ARHGEF5: variants seen among roughly 807,000 people sequenced by gnomAD.
ARHGEF5 encodes Rho guanine nucleotide exchange factor (GEF) 5.
In ARHGEF5, 11 loss-of-function variants were observed where a neutral mutation model predicts 104.0. The ratio of observed to expected loss-of-function variants is 0.11; its 90% CI spans 0.07 to 0.18. ARHGEF5 has a LOEUF of 0.18. Among genes scored for constraint, ARHGEF5 ranks in the 10% least tolerant of loss-of-function variants. The pLI is 1.00. For missense variants in ARHGEF5, 165 were observed against 1,335.4 expected (o/e 0.12, Z 13.66); for synonymous variants, 60 against 512.2 (o/e 0.12, Z 11.92).
intron 14 of ARHGEF5, among the ~76,000 whole-genome samples, chr7:144,379,246 G>C (rs1240747389): frequency 6.6e-6 from 1 of 152,050 alleles, no homozygotes; most frequent in Non-Finnish European, 1.5e-5. Flanking sequence ...TTGAGACAGA[G>C]TCTTGCTCTG....
intron 12 of ARHGEF5, 104 bp from the exon 13 acceptor site, chr7:144,377,016 C>T: frequency 1.7e-6 from 1 of 571,656 alleles, no homozygotes; most frequent in Non-Finnish European, 3.0e-6. Flanking sequence ...TGATAGAAGT[C>T]ATGGAACTAG....
In ARHGEF5 at chr7:144,380,308, G is replaced by A; in HGVS notation, c.*252G>A. 1 of 419,790 alleles carries A rather than the reference G, an allele frequency of 2.4e-6. No homozygotes were observed. The highest frequency in any genetic ancestry group is 4.3e-6 in the Non-Finnish European group (1 of 230,812). 26.0% of individuals were successfully genotyped at this position (419,790 alleles called of 1,614,324 possible). On this transcript the variant is annotated 3_prime_UTR_variant, in exon 15 of 15. Coordinates refer to ENST00000056217, the MANE Select transcript of ARHGEF5 (RefSeq NM_005435.4). Reference sequence around the variant, plus strand: ...TCATTAAAAAAAGGGGGACCATTGGGGCCTGAGCCAAGGAACTTTCCTTCT... The same window carrying A: ...TCATTAAAAAAAGGGGGACCATTGGAGCCTGAGCCAAGGAACTTTCCTTCT...
At chr7:144,379,034 G>C (rs1225964600) in intron 14 of ARHGEF5, among the ~76,000 whole-genome samples, 168 bp downstream of exon 14, 2 of 152,174 alleles carry the variant, frequency 1.3e-5, no homozygotes, top group African/African-American at 2.4e-5. Context: ...CCAAATCAAG[G>C]TGTGGGCAGA....
Position 144,380,052 on chromosome 7 carries a change from C to T in ARHGEF5, c.4790C>T (p.Ala1597Val). ...TAKLQLVEQQ[A>V] The stretch of plus-strand genomic sequence containing the variant: ...AAACTACAGCTGGTGGAACAGCAAG[C>T]CTAAGTCTTCTCTGAGAGGAGTTTC... Residue 1597 changes from alanine (A) to valine (V), a missense_variant, in exon 15 of 15, where the codon GCC becomes GTC. Coordinates refer to ENST00000056217, the MANE Select transcript of ARHGEF5 (RefSeq NM_005435.4). 1 of 1,614,158 alleles carries T rather than the reference C, an allele frequency of 6.2e-7. No individual in the cohort carries two copies. Among genetic ancestry groups the T allele is most frequent in the Non-Finnish European group, 8.5e-7 (1 of 1,180,022 alleles).
chr7:144,370,464 A>G (rs1313423115), intron 5 of ARHGEF5, among the ~76,000 whole-genome samples: 4 of 150,874 alleles, frequency 2.7e-5, no homozygotes, highest in Non-Finnish European at 5.9e-5. Flanking sequence ...TATTTAGTTT[A>G]GTTAGTTTGT....
chr7:144,358,758 A>T (rs1437211277), intron 1 of ARHGEF5, among the ~76,000 whole-genome samples: 1 of 90,896 alleles, frequency 1.1e-5, no homozygotes, highest in Non-Finnish European at 2.3e-5. Flanking sequence ...AGGATGGCTC[A>T]GTGTGTGTGT....
chr7:144,377,630 G>A lies in ARHGEF5; in HGVS notation c.4531+440G>A, dbSNP rs113795254. ...ACCCCAGGCTTCTGGGTGCCCATGG[G>A]GAGCCACAGGCACACACACATTATG... On this transcript the variant is annotated intron_variant, in intron 13 of 14. Transcript: ENST00000056217. 3.9e-3 allele frequency among the ~76,000 whole-genome samples: 589 copies of A among 152,136 alleles called. 6 individuals carry two copies. Among genetic ancestry groups the A allele is most frequent in the African/African-American group, 0.013 (554 of 41,498 alleles).
intron 14 of ARHGEF5, 46 bp from the exon 15 acceptor site, chr7:144,379,853 G>T (rs762960756): frequency 2.5e-6 from 4 of 1,611,260 alleles, no homozygotes; most frequent in Admixed American, 1.7e-5. Flanking sequence ...AGAAGCTATC[G>T]TGAGCCTTTC....
At position 144,361,057 on chromosome 7, in the gene ARHGEF5, G is replaced by A. The variant is rs1437264074; in HGVS notation, c.-12-1601G>A. On this transcript the variant is annotated intron_variant, in intron 1 of 14. Coordinates refer to ENST00000056217, the MANE Select transcript of ARHGEF5 (RefSeq NM_005435.4). ...ATCCTGGCCAGAATGGTGAAACCCC[G>A]TCTCTACTAAAAGTACAAAAATTAG... Among the ~76,000 whole-genome samples the A allele has an allele frequency of 9.0e-5, 13 of 143,932 alleles. 1 individual carries two copies. Among genetic ancestry groups the A allele is most frequent in the African/African-American group, 2.0e-4 (8 of 39,116 alleles). 94.4% of individuals were successfully genotyped at this position (143,932 alleles called of 152,430 possible). A position where few individuals can be genotyped will look rare whatever the true frequency, so the allele number is the denominator to read the frequency against.
chr7:144,379,767 A>T (rs1204552105), intron 14 of ARHGEF5, 132 bp from the exon 15 acceptor site: 4 of 1,201,162 alleles, frequency 3.3e-6, no homozygotes, highest in African/African-American at 1.5e-5. Context: ...GGACACTTGG[A>T]GGCTGGGTTT....
chr7:144,377,300 T>G, intron 13 of ARHGEF5, 110 bp downstream of exon 13: 21 of 1,538,792 alleles, frequency 1.4e-5, no homozygotes, highest in Non-Finnish European at 1.8e-5. Context: ...TTATTGATAT[T>G]CCGTAAAATG....
intron 13 of ARHGEF5, 104 bp downstream of exon 13, chr7:144,377,294 T>C (rs1032829395): frequency 1.9e-6 from 3 of 1,545,240 alleles, no homozygotes; most frequent in African/African-American, 2.7e-5. Context: ...TTTCATTTAT[T>C]GATATTCCGT....
intron 13 of ARHGEF5, among the ~76,000 whole-genome samples, 156 bp from the exon 14 acceptor site, chr7:144,378,606 A>C: frequency 6.6e-6 from 1 of 152,100 alleles, no homozygotes; most frequent in Non-Finnish European, 1.5e-5. Context: ...CTATTTCTTT[A>C]TTAACCATTT....
intron 1 of ARHGEF5, among the ~76,000 whole-genome samples, chr7:144,360,211 G>T (rs1440562929): frequency 8.4e-6 from 1 of 119,584 alleles, no homozygotes; most frequent in Non-Finnish European, 1.8e-5. Context: ...ATCCTCCCAG[G>T]ATCCCTCTCC....
chr7:144,365,108 AC>A lies in ARHGEF5; in HGVS notation c.2444del (p.Pro815LeufsTer31). On this transcript the variant is annotated frameshift_variant, in exon 2 of 15. Coordinates refer to ENST00000056217, the MANE Select transcript of ARHGEF5 (RefSeq NM_005435.4). LOFTEE classifies it high-confidence loss of function. Reference sequence around the variant, plus strand: ...CCAGGTGGAGATACAACAAGCCGCTACCCCCTACCCCTGATTTGCCGCAGCC... The same window carrying A: ...CCAGGTGGAGATACAACAAGCCGCTACCCCTACCCCTGATTTGCCGCAGCC... Reference protein sequence around the residue: ...TPRWRYNKPLPPTPDLPQPHL... With the variant: ...TPRWRYNKPLXPTPDLPQPHL... 7.3e-7 allele frequency: 1 copy of A among 1,376,490 alleles called. No homozygotes were observed. Among genetic ancestry groups the A allele is most frequent in the Non-Finnish European group, 1.0e-6 (1 of 1,003,454 alleles). 85.3% of individuals were successfully genotyped at this position (1,376,490 alleles called of 1,614,324 possible).
rs968745033 is a variant in ARHGEF5, at chr7:144,380,114, G to C, written c.*58G>C. 2.1e-4 allele frequency: 338 copies of C among 1,603,936 alleles called. No individual in the cohort carries two copies. Among genetic ancestry groups the C allele is most frequent in the Non-Finnish European group, 2.7e-4 (321 of 1,173,108 alleles). ...AACAAGCTGCTCATGGCAAGGGCTG[G>C]CCCCAGAACCCTGCAAGAGAGGCCT... On this transcript the variant is annotated 3_prime_UTR_variant, in exon 15 of 15. Transcript: ENST00000056217.
chr7:144,360,146 G>C (rs1458264640), intron 1 of ARHGEF5, among the ~76,000 whole-genome samples: 1 of 117,720 alleles, frequency 8.5e-6, no homozygotes, highest in Non-Finnish European at 1.8e-5. Context: ...ACCTAGGCTG[G>C]AGAGCAGTGA....
In ARHGEF5 at chr7:144,379,937, G is replaced by A; in HGVS notation, c.4675G>A (p.Gly1559Ser). The change falls in exon 15 of 15, where the codon GGC becomes AGC. Residue 1559 changes from glycine to serine, a missense_variant. Coordinates refer to ENST00000056217, the MANE Select transcript of ARHGEF5 (RefSeq NM_005435.4). ...CGTGAGGCTCTCAGACGGGGAGCGA[G>A]GCTGGTTTCCTGTGCAGCAGGTGGA... The part of the protein sequence containing the change: ...EGVRLSDGER[G>S]WFPVQQVEFI... 6.8e-6 allele frequency: 11 copies of A among 1,614,212 alleles called. No individual in the cohort carries two copies. Among genetic ancestry groups the A allele is most frequent in the Non-Finnish European group, 9.3e-6 (11 of 1,180,044 alleles).
At position 144,364,014 on chromosome 7, in the gene ARHGEF5, C is replaced by G. The variant is rs1397935427; in HGVS notation, c.1345C>G (p.Leu449Val). ...GGCTGAGGAACTGTCCCCCGCAGCT[C>G]TGTCTCCCTCGCTAGAGCCCATCAG... is the stretch of plus-strand genomic sequence containing the variant. ...SRAEELSPAA[L>V]SPSLEPIRCS... Residue 449 changes from leucine (L) to valine (V), a missense_variant, in exon 2 of 15, where the codon CTG becomes GTG. Transcript: ENST00000056217. 1 of 1,394,870 alleles carries G rather than the reference C, an allele frequency of 7.2e-7. No homozygotes were observed. The highest frequency in any genetic ancestry group is 9.8e-7 in the Non-Finnish European group (1 of 1,021,786). The allele number at this position is 1,394,870 out of a possible 1,614,324, so 86.4% of individuals were successfully genotyped here.
Sources: gnomAD v4.1 joint callset for allele counts (sites outside exome capture counted in the v4.1 genomes callset) on GRCh38, gnomAD v4.1.1 for gene constraint, MANE v1.5 for transcripts, NCBI Gene and HGNC (gene_info 2026-07-23, HGNC 2026-07-21) for gene names.